The following ATF7IP variants were observed in gnomAD, a reference collection of about 807,000 sequenced individuals.
ATF7IP encodes the protein activating transcription factor 7 interacting protein, also known as activating transcription factor 7-interacting protein 1.
Under a neutral mutation model 106.4 loss-of-function variants are expected in ATF7IP, and 23 were observed. The observed-to-expected ratio is 0.22, with a 90% CI of 0.16 to 0.31. The LOEUF is 0.31. ATF7IP is among the 10% of genes least tolerant of loss of function. The probability of loss-of-function intolerance (pLI) is 1.00; values close to 1 mark genes in which losing one functional copy is unlikely to be tolerated. For synonymous variants in ATF7IP, 542 were observed against 539.0 expected, an observed-to-expected ratio of 1.01 and a Z score of -0.08; for missense variants, 1,334 against 1,524.3, an observed-to-expected ratio of 0.88 and a Z score of 2.08.
At chr12:14,440,599 C>G (rs1942649772) in intron 5 of ATF7IP, among the ~76,000 whole-genome samples, 1 of 151,552 alleles carries the variant, frequency 6.6e-6, no homozygotes, top group Admixed American at 6.6e-5. Context: ...GTGTCTTGTT[C>G]CAGTATTTTG....
intron 1 of ATF7IP, among the ~76,000 whole-genome samples, chr12:14,403,423 C>A (rs1375810822): frequency 1.3e-5 from 2 of 152,080 alleles, no homozygotes; most frequent in African/African-American, 4.8e-5. Context: ...TGCCTCCTGG[C>A]CTTAATGATC....
chr12:14,428,381 A>G (rs1941967723), intron 2 of ATF7IP, among the ~76,000 whole-genome samples: 1 of 152,184 alleles, frequency 6.6e-6, no homozygotes, highest in African/African-American at 2.4e-5. Context: ...TGATAGATTT[A>G]ATTTCTTGGC....
chr12:14,501,493 G>A lies in ATF7IP; in HGVS notation c.*3420G>A, dbSNP rs1448735850. On this transcript the variant is annotated 3_prime_UTR_variant, in exon 15 of 15. Transcript: ENST00000261168. ...GCCAAGAAATTTATAAATCACATAC[G>A]AAGACGTCTGTTGCTAACAGTTAAC... 2 of 152,112 alleles carry A rather than the reference G, an allele frequency of 1.3e-5. No homozygotes were observed. The highest frequency in any genetic ancestry group is 4.8e-5 in the African/African-American group (2 of 41,418). The allele number at this position is 152,112 out of a possible 1,614,324, so 9.4% of individuals were successfully genotyped here.
chr12:14,434,383 G>C lies in ATF7IP; in HGVS notation c.1605G>C (p.Glu535Asp), dbSNP rs142252576. The C allele has an allele frequency of 3.4e-4, 547 of 1,593,986 alleles. No individual in the cohort carries two copies. Among genetic ancestry groups the C allele is most frequent in the Non-Finnish European group, 4.3e-4 (506 of 1,164,212 alleles). The change falls in exon 3 of 15, where the codon GAG becomes GAC. Residue 535 changes from glutamate to aspartate, a missense_variant. Glu to Asp is a conservative substitution (Grantham distance 45). This residue lies in a region of ATF7IP where 119 missense variants were observed against 117.8 expected (regional missense o/e 1.01). Transcript: ENST00000261168. ...AGGACAACAAACCTGAGGAAGAAGA[G>C]CAAGTAATACATGAAGATGATGAAA... is the stretch of plus-strand genomic sequence containing the variant. ...NEKDNKPEEEEQVIHEDDERP... is the reference protein window; with the variant it reads ...NEKDNKPEEEDQVIHEDDERP...
intron 1 of ATF7IP, among the ~76,000 whole-genome samples, chr12:14,369,939 A>ATT (rs112750396): frequency 5.8e-5 from 8 of 138,642 alleles, no homozygotes; most frequent in African/African-American, 1.6e-4. Flanking sequence ...GCATATGTTC[A>ATT]TTTTTTTTTT....
At chr12:14,379,404 T>C (rs576918983) in intron 1 of ATF7IP, among the ~76,000 whole-genome samples, 5 of 152,154 alleles carry the variant, frequency 3.3e-5, no homozygotes, top group Non-Finnish European at 7.4e-5. Flanking sequence ...AAATTACCCA[T>C]TTTCAAATAT....
chr12:14,425,079 C>G lies in ATF7IP; in HGVS notation c.1164C>G (p.Ser388Arg). ...CTCTTGGAGAAGATGCTATATCTAGCAGTATGGAAATTGACCAAGGTGAAA... is the reference window on the plus strand; with the variant it reads ...CTCTTGGAGAAGATGCTATATCTAGGAGTATGGAAATTGACCAAGGTGAAA... ...ELALGEDAIS[S>R]SMEIDQGEKN... The change falls in exon 2 of 15, where the codon AGC becomes AGG. Residue 388 changes from serine (S) to arginine (R), a missense_variant. Physicochemically the swap from Ser to Arg is moderately radical, Grantham distance 110. Coordinates refer to ENST00000261168, the MANE Select transcript of ATF7IP (RefSeq NM_018179.5). 6.3e-7 allele frequency: 1 copy of G among 1,594,282 alleles called. No homozygotes were observed. Among genetic ancestry groups the G allele is most frequent in the South Asian group, 1.2e-5 (1 of 86,554 alleles).
chr12:14,409,588 T>C (rs1490701624), intron 1 of ATF7IP, among the ~76,000 whole-genome samples: 1 of 152,114 alleles, frequency 6.6e-6, no homozygotes, highest in Admixed American at 6.6e-5. Context: ...CGTGAGTATT[T>C]TATGCCCATT....
chr12:14,433,614 G>A (rs1331235455), intron 2 of ATF7IP, among the ~76,000 whole-genome samples: 2 of 151,578 alleles, frequency 1.3e-5, no homozygotes, highest in African/African-American at 4.9e-5. Flanking sequence ...AGGTTGCAGT[G>A]AGACGAGATC....
intron 1 of ATF7IP, among the ~76,000 whole-genome samples, chr12:14,414,483 A>G (rs1025614368): frequency 6.6e-6 from 1 of 152,212 alleles, no homozygotes; most frequent in Non-Finnish European, 1.5e-5. Flanking sequence ...TTTTCAGCTC[A>G]TCTGCTATCG....
In ATF7IP at chr12:14,395,755, A is replaced by G. The variant is rs1939801853; in HGVS notation, c.-7-28154A>G. 2.0e-5 allele frequency among the ~76,000 whole-genome samples: 3 copies of G among 152,258 alleles called. No individual in the cohort carries two copies. In the South Asian group the frequency reaches 6.2e-4, roughly 31 times the overall value. ...GACATACATTAGATAATGTATATTTATACATATAACTTGGTCAATTTTCTA... is the reference window on the plus strand; with the variant it reads ...GACATACATTAGATAATGTATATTTGTACATATAACTTGGTCAATTTTCTA... On this transcript the variant is annotated intron_variant, in intron 1 of 14. Transcript: ENST00000261168.
chr12:14,371,680 A>G (rs906654818), intron 1 of ATF7IP, among the ~76,000 whole-genome samples: 4 of 152,146 alleles, frequency 2.6e-5, no homozygotes, highest in Admixed American at 2.6e-4. Flanking sequence ...GTATTCCCAG[A>G]GCTGAATCAG....
chr12:14,382,626 T>C (rs1939046280), intron 1 of ATF7IP, among the ~76,000 whole-genome samples: 1 of 152,210 alleles, frequency 6.6e-6, no homozygotes, highest in South Asian at 2.1e-4. Flanking sequence ...AAGTAGGAGT[T>C]GAGATCCTAA....
At chr12:14,385,258 T>G in intron 1 of ATF7IP, 1 of 723,104 alleles carries the variant, frequency 1.4e-6, no homozygotes, top group Non-Finnish European at 2.2e-6. Context: ...AGTTCTTGAG[T>G]GCACATTGCA....
chr12:14,441,091 A>C (rs775421194), intron 5 of ATF7IP, among the ~76,000 whole-genome samples: 38 of 152,152 alleles, frequency 2.5e-4, no homozygotes, highest in Non-Finnish European at 4.3e-4. Flanking sequence ...TTAGGAATAT[A>C]CCTAGGTGTG....
chr12:14,409,699 G>A (rs1458457390), intron 1 of ATF7IP, among the ~76,000 whole-genome samples: 11 of 152,022 alleles, frequency 7.2e-5, no homozygotes, highest in African/African-American at 2.7e-4. Flanking sequence ...AAGAGAACAA[G>A]GCTGCTGCTA....
intron 11 of ATF7IP, among the ~76,000 whole-genome samples, chr12:14,477,085 A>G (rs1944286203): frequency 6.6e-6 from 1 of 152,228 alleles, no homozygotes; most frequent in South Asian, 2.1e-4. Context: ...GTTCAGCTAC[A>G]TATCTATAAA....
chr12:14,424,116 C>T lies in ATF7IP; in HGVS notation c.201C>T (p.Asp67=), dbSNP rs774296823. The part of the protein sequence containing the change: ...SPLENMDYIK[D]KEEVNGIEEI... The stretch of plus-strand genomic sequence containing the variant: ...TGGAAAACATGGATTACATTAAAGA[C>T]AAGGAAGAGGTGAATGGCATTGAAG... Residue 67 remains aspartate, a synonymous_variant, in exon 2 of 15, where the codon GAC becomes GAT. Transcript: ENST00000261168. The T allele has an allele frequency of 3.1e-5, 50 of 1,613,946 alleles. No individual in the cohort carries two copies. In the South Asian group the frequency reaches 4.9e-4, roughly 16 times the overall value.
intron 6 of ATF7IP, among the ~76,000 whole-genome samples, chr12:14,452,040 G>A (rs191749096): frequency 4.9e-4 from 74 of 152,180 alleles, no homozygotes; most frequent in African/African-American, 1.5e-3. Context: ...GAGCTCTGAT[G>A]TAGGGGTGTG....
Sources: allele counts gnomAD v4.1 joint callset (sites outside exome capture counted in the v4.1 genomes callset), GRCh38; gene constraint gnomAD v4.1.1; regional missense constraint gnomAD v4.1.1; transcripts MANE v1.5; gene names NCBI Gene and HGNC (gene_info 2026-07-23, HGNC 2026-07-21).